PRKG1: variants seen among roughly 807,000 people sequenced by gnomAD.
PRKG1 encodes cGMP-dependent protein kinase 1.
Under a neutral mutation model 88.1 loss-of-function variants are expected in PRKG1, and 35 were observed. That is an observed-to-expected ratio of 0.40 (90% confidence interval 0.30 to 0.53). The LOEUF (loss-of-function observed/expected upper bound fraction) is 0.53, where lower values mean the gene tolerates loss of function less well. Ranked by LOEUF, PRKG1 falls within the 20% of genes least tolerant of loss-of-function variation. The pLI is 0.59. For missense variants in PRKG1, 540 were observed against 839.8 expected (o/e 0.64, Z 4.41); for synonymous variants, 303 against 292.5 (o/e 1.04, Z -0.37).
intron 1 of PRKG1, among the ~76,000 whole-genome samples, chr10:51,106,626 G>A (rs184570235): frequency 2.0e-5 from 3 of 152,254 alleles, no homozygotes; most frequent in Non-Finnish European, 4.4e-5. Flanking sequence ...GTCCCACCAT[G>A]GAGCCAGCCA....
intron 5 of PRKG1, among the ~76,000 whole-genome samples, chr10:51,969,675 G>A (rs1843656292): frequency 6.6e-6 from 1 of 151,958 alleles, no homozygotes. Flanking sequence ...AAAACCATTA[G>A]TTTTCAGAGA....
In PRKG1 at chr10:50,991,547, C is replaced by A. The variant is rs1341627302; in HGVS notation, c.169C>A (p.Arg57=). Residue 57 remains arginine, a synonymous_variant, in exon 1 of 18, where the codon CGG becomes AGG. Transcript: ENST00000401604. The surrounding 1 kb of genome is among the most constrained non-coding windows in gnomAD (Gnocchi z 4.5). ...AGTGCCCTCGACCCACATCGGCCCC[C>A]GGACCACCCGGGCGCAGGGCATCTC... is the stretch of plus-strand genomic sequence containing the variant. 6.2e-7 allele frequency: 1 copy of A among 1,609,274 alleles called. No individual in the cohort carries two copies. Among genetic ancestry groups the A allele is most frequent in the East Asian group, 2.2e-5 (1 of 44,520 alleles).
intron 3 of PRKG1, among the ~76,000 whole-genome samples, chr10:51,469,352 G>T (rs1272026584): frequency 6.6e-6 from 1 of 151,728 alleles, no homozygotes. Context: ...TACACTGCTT[G>T]ATACTTTAAT....
At chr10:52,018,432 G>T (rs1475213135) in intron 5 of PRKG1, among the ~76,000 whole-genome samples, 3 of 152,078 alleles carry the variant, frequency 2.0e-5, no homozygotes, top group Non-Finnish European at 4.4e-5. Context: ...TTAGTTTCCT[G>T]TTCTACAACA....
intron 2 of PRKG1, among the ~76,000 whole-genome samples, chr10:51,283,211 A>G (rs2132206338): frequency 6.6e-6 from 1 of 152,054 alleles, no homozygotes; most frequent in East Asian, 1.9e-4. Flanking sequence ...GAAGCATAGA[A>G]ACTATAAGGA....
At chr10:52,123,867 C>T (rs568450853) in intron 7 of PRKG1, among the ~76,000 whole-genome samples, 44 of 152,190 alleles carry the variant, frequency 2.9e-4, no homozygotes, top group African/African-American at 1.1e-3. Context: ...TTAGAACTAC[C>T]TCCAGACACT....
chr10:51,438,060 A>G lies in PRKG1; in HGVS notation c.479-29663A>G, dbSNP rs577174264. 7.2e-5 allele frequency among the ~76,000 whole-genome samples: 11 copies of G among 151,902 alleles called. No homozygotes were observed. In the East Asian group the frequency reaches 1.7e-3, roughly 24 times the overall value. On this transcript the variant is annotated intron_variant, in intron 2 of 17. Coordinates refer to ENST00000373980, the MANE Select transcript of PRKG1 (RefSeq NM_006258.4). ...TTAGAAATATAGACTCTTAGGTTCT[A>G]TTTTAGACCTACTACAATGAGAATT... is the stretch of plus-strand genomic sequence containing the variant.
rs374611323 is a variant in PRKG1 at position 51,953,418 on chromosome 10, T to A, written c.762+45848T>A. ...TTCCAATAACTGCCAATTGTAGCAG[T>A]GTGCTGGCATCATCAAAGGACTTTT... On this transcript the variant is annotated intron_variant, in intron 5 of 17. Coordinates refer to ENST00000373980, the MANE Select transcript of PRKG1 (RefSeq NM_006258.4). Among the ~76,000 whole-genome samples, 38 of 152,312 alleles carry A rather than the reference T, an allele frequency of 2.5e-4. No individual in the cohort carries two copies. The East Asian group carries it at 4.2e-3, about 17-fold the overall frequency.
At chr10:51,996,733 CA>C (rs1412161797) in intron 5 of PRKG1, among the ~76,000 whole-genome samples, 2 of 151,950 alleles carry the variant, frequency 1.3e-5, no homozygotes, top group African/African-American at 4.8e-5. Context: ...GGAAGTTCCT[CA>C]AAAAATTAGA....
chr10:51,483,048 T>C (rs1487773670), intron 3 of PRKG1, among the ~76,000 whole-genome samples: 1 of 150,638 alleles, frequency 6.6e-6, no homozygotes, highest in Non-Finnish European at 1.5e-5. Flanking sequence ...GTTTCACTCT[T>C]ATTGCCCAGG....
At chr10:51,610,656 A>G (rs551037559) in intron 3 of PRKG1, among the ~76,000 whole-genome samples, 1 of 152,290 alleles carries the variant, frequency 6.6e-6, no homozygotes, top group East Asian at 1.9e-4. Flanking sequence ...AGACTGGATA[A>G]AGAAAATGTG....
At chr10:51,758,831 T>C (rs900747032) in intron 3 of PRKG1, among the ~76,000 whole-genome samples, 1 of 152,056 alleles carries the variant, frequency 6.6e-6, no homozygotes, top group Non-Finnish European at 1.5e-5. Context: ...TTTTTCCTAA[T>C]GCTCTCCCTC....
intron 7 of PRKG1, among the ~76,000 whole-genome samples, chr10:52,083,331 A>G (rs1366082789): frequency 6.6e-6 from 1 of 152,090 alleles, no homozygotes; most frequent in South Asian, 2.1e-4. Flanking sequence ...ATATTTGGTA[A>G]CCACTAATAT....
At chr10:52,034,839 A>T (rs774441814) in intron 5 of PRKG1, among the ~76,000 whole-genome samples, 177 of 152,198 alleles carry the variant, frequency 1.2e-3, no homozygotes, top group Non-Finnish European at 1.6e-3. Flanking sequence ...GCCTAATAAA[A>T]AGGAGTGTCT....
intron 3 of PRKG1, among the ~76,000 whole-genome samples, chr10:51,553,912 CGTGT>C (rs1837215630): frequency 8.0e-6 from 1 of 125,148 alleles, no homozygotes; most frequent in Non-Finnish European, 1.7e-5. Flanking sequence ...GTATTAGATA[CGTGT>C]ATATAATATA....
intron 3 of PRKG1, among the ~76,000 whole-genome samples, chr10:51,714,225 A>G (rs926540349): frequency 3.3e-5 from 5 of 152,026 alleles, no homozygotes; most frequent in Non-Finnish European, 7.4e-5. Flanking sequence ...TGATCCGCCC[A>G]CCTCGGCCTC....
At chr10:51,099,587 A>T (rs1033204423) in intron 1 of PRKG1, among the ~76,000 whole-genome samples, 4 of 152,160 alleles carry the variant, frequency 2.6e-5, no homozygotes, top group Admixed American at 1.3e-4. Context: ...GAAATGGTTT[A>T]GTAATGTAGT....
intron 3 of PRKG1, among the ~76,000 whole-genome samples, chr10:51,770,811 G>T (rs960702605): frequency 2.0e-5 from 3 of 152,156 alleles, no homozygotes; most frequent in Non-Finnish European, 4.4e-5. Flanking sequence ...GTGACCAAAA[G>T]GTTGGGAACT....
intron 9 of PRKG1, among the ~76,000 whole-genome samples, chr10:52,188,343 T>A (rs917072293): frequency 4.1e-4 from 59 of 145,164 alleles, no homozygotes; most frequent in African/African-American, 1.5e-3. Flanking sequence ...TATATATATA[T>A]ATTTCTTTTT....
Sources: gnomAD v4.1 joint callset for allele counts (sites outside exome capture counted in the v4.1 genomes callset) on GRCh38, gnomAD v4.1.1 for gene constraint, Gnocchi (gnomAD v3.1) non-coding constraint, MANE v1.5 for transcripts, NCBI Gene and HGNC (gene_info 2026-07-23, HGNC 2026-07-21) for gene names.